Variants in ADGRB3 observed in about 807,000 individuals in gnomAD.
ADGRB3 encodes the protein brain-specific angiogenesis inhibitor 3.
Under a neutral mutation model 193.4 loss-of-function variants are expected in ADGRB3, and 37 were observed. The ratio of observed to expected loss-of-function variants is 0.19; its 90% CI spans 0.15 to 0.25. The LOEUF is 0.25. ADGRB3 is among the 10% of genes least tolerant of loss of function. The probability of loss-of-function intolerance (pLI) is 1.00; values close to 1 mark genes in which losing one functional copy is unlikely to be tolerated. For synonymous variants in ADGRB3, 690 were observed against 644.2 expected (o/e 1.07, Z -1.08); for missense variants, 1,637 against 1,852.9 (o/e 0.88, Z 2.14).
At chr6:68,980,756 G>T (rs928137370) in intron 10 of ADGRB3, among the ~76,000 whole-genome samples, 5 of 151,492 alleles carry the variant, frequency 3.3e-5, no homozygotes, top group Non-Finnish European at 7.4e-5. Flanking sequence ...TTAGGTGGGA[G>T]TGAGTGAGCC....
intron 11 of ADGRB3, among the ~76,000 whole-genome samples, chr6:69,011,701 G>A (rs926429301): frequency 1.4e-4 from 21 of 152,042 alleles, no homozygotes; most frequent in Admixed American, 3.9e-4. Context: ...CTTAAATTTT[G>A]TTTTAAATTT....
At chr6:68,829,664 C>CA (rs960188985) in intron 3 of ADGRB3, among the ~76,000 whole-genome samples, 7 of 151,956 alleles carry the variant, frequency 4.6e-5, no homozygotes, top group African/African-American at 1.7e-4. Context: ...AAATGTAAAA[C>CA]AAAAAATTTA....
chr6:68,807,000 G>GAAAGTTATAT (rs1167143190), intron 3 of ADGRB3, among the ~76,000 whole-genome samples: 2 of 152,002 alleles, frequency 1.3e-5, no homozygotes, highest in Non-Finnish European at 2.9e-5. Flanking sequence ...TCAAGAAAAG[G>GAAAGTTATAT]TTATGCAAAG....
At chr6:68,795,593 A>G (rs1428887682) in intron 3 of ADGRB3, among the ~76,000 whole-genome samples, 2 of 152,108 alleles carry the variant, frequency 1.3e-5, no homozygotes, top group Non-Finnish European at 1.5e-5. Context: ...AAATCAAAAC[A>G]TCAGAATTTT....
chr6:69,101,649 A>G (rs1373668809), intron 17 of ADGRB3, among the ~76,000 whole-genome samples: 1 of 151,794 alleles, frequency 6.6e-6, no homozygotes, highest in Non-Finnish European at 1.5e-5. Context: ...TATTATACAG[A>G]AACATTTTAT....
At chr6:69,143,925 T>G (rs754947463) in intron 17 of ADGRB3, among the ~76,000 whole-genome samples, 2 of 152,200 alleles carry the variant, frequency 1.3e-5, no homozygotes, top group Non-Finnish European at 2.9e-5. Context: ...AAGAATGTCA[T>G]TGGTATTTTA....
intron 3 of ADGRB3, among the ~76,000 whole-genome samples, chr6:68,877,318 A>C (rs2150222771): frequency 6.6e-6 from 1 of 152,182 alleles, no homozygotes; most frequent in Admixed American, 6.5e-5. Flanking sequence ...ACAGTTATAG[A>C]TACTTGCCAC....
At chr6:69,287,759 T>C (rs1211216152) in intron 20 of ADGRB3, among the ~76,000 whole-genome samples, 1 of 152,226 alleles carries the variant, frequency 6.6e-6, no homozygotes, top group Non-Finnish European at 1.5e-5. Flanking sequence ...CCTCTAGTAA[T>C]GTCATATCGA....
chr6:68,647,463 G>A (rs1020772891), intron 3 of ADGRB3, among the ~76,000 whole-genome samples: 1 of 152,054 alleles, frequency 6.6e-6, no homozygotes, highest in African/African-American at 2.4e-5. Flanking sequence ...ATAGAGAATT[G>A]ATAATCAATA....
At chr6:68,863,765 A>G (rs989839964) in intron 3 of ADGRB3, among the ~76,000 whole-genome samples, 11 of 152,194 alleles carry the variant, frequency 7.2e-5, no homozygotes, top group African/African-American at 2.7e-4. Flanking sequence ...GTAAGCTCAG[A>G]AATCAGCCTT....
chr6:69,059,774 C>A (rs1390146676), intron 15 of ADGRB3, among the ~76,000 whole-genome samples: 1 of 152,070 alleles, frequency 6.6e-6, no homozygotes. Context: ...GAAGCCATTG[C>A]ATAATGTAAA....
At chr6:69,154,739 C>T (rs905916560) in intron 17 of ADGRB3, among the ~76,000 whole-genome samples, 1 of 152,198 alleles carries the variant, frequency 6.6e-6, no homozygotes, top group Non-Finnish European at 1.5e-5. Context: ...CCCCAGTCTT[C>T]ACACAATGCC....
chr6:69,169,439 G>A (rs942704581), intron 17 of ADGRB3, among the ~76,000 whole-genome samples: 1 of 151,126 alleles, frequency 6.6e-6, no homozygotes, highest in South Asian at 2.1e-4. Context: ...TAGTTACAAT[G>A]AGTAACTAAT....
intron 17 of ADGRB3, among the ~76,000 whole-genome samples, chr6:69,224,578 C>A (rs1765969293): frequency 6.6e-6 from 1 of 152,112 alleles, no homozygotes; most frequent in Non-Finnish European, 1.5e-5. Flanking sequence ...AATTTAGGAT[C>A]TTCCCCTACC....
chr6:69,077,867 C>G (rs1428852407), intron 17 of ADGRB3, among the ~76,000 whole-genome samples: 1 of 151,942 alleles, frequency 6.6e-6, no homozygotes, highest in Admixed American at 6.6e-5. Flanking sequence ...GAAAAGTGAT[C>G]AAAAACCTTC....
chr6:68,897,950 TATATA>T (rs1355873347), intron 3 of ADGRB3, among the ~76,000 whole-genome samples: 1 of 147,522 alleles, frequency 6.8e-6, no homozygotes, highest in South Asian at 2.1e-4. Context: ...CAAATATATA[TATATA>T]ATATAATAAT....
chr6:69,228,427 G>A (rs538686753), intron 17 of ADGRB3, among the ~76,000 whole-genome samples: 10 of 152,168 alleles, frequency 6.6e-5, no homozygotes, highest in Non-Finnish European at 1.5e-4. Context: ...CAAGGTGAAC[G>A]TATCAACTAA....
chr6:68,939,705 G>A (rs955036430), intron 5 of ADGRB3, among the ~76,000 whole-genome samples: 2 of 152,196 alleles, frequency 1.3e-5, no homozygotes, highest in South Asian at 4.2e-4. Flanking sequence ...AGGTAAATAT[G>A]TACTTACTTT....
intron 3 of ADGRB3, among the ~76,000 whole-genome samples, chr6:68,811,054 T>A (rs1207178933): frequency 6.6e-6 from 1 of 152,158 alleles, no homozygotes; most frequent in African/African-American, 2.4e-5. Context: ...AAAAATTGTT[T>A]ACCCTATGGT....
Sources: allele counts gnomAD v4.1 joint callset (sites outside exome capture counted in the v4.1 genomes callset), GRCh38; gene constraint gnomAD v4.1.1; transcripts MANE v1.5; gene names NCBI Gene and HGNC (gene_info 2026-07-23, HGNC 2026-07-21).